ADGRB3: variants seen among roughly 807,000 people sequenced by gnomAD.
The protein encoded by ADGRB3 is brain-specific angiogenesis inhibitor 3.
ADGRB3 carries 37 observed loss-of-function variants against 193.4 expected under a neutral mutation model. That is an observed-to-expected ratio of 0.19 (90% CI 0.15 to 0.25). ADGRB3 has a LOEUF of 0.25. Among genes scored for constraint, ADGRB3 ranks in the 10% least tolerant of loss-of-function variants. The pLI, the probability that ADGRB3 is intolerant of heterozygous loss-of-function variation, is 1.00. For missense variants in ADGRB3, 1,637 were observed against 1,852.9 expected, an observed-to-expected ratio of 0.88 and a Z score of 2.14; for synonymous variants, 690 against 644.2, an observed-to-expected ratio of 1.07 and a Z score of -1.08.
chr6:68,730,362 G>GAA (rs200972353), intron 3 of ADGRB3, among the ~76,000 whole-genome samples: 3,605 of 151,550 alleles, frequency 0.024, 146 homozygotes, highest in African/African-American at 0.079. Flanking sequence ...AATATTCTCA[G>GAA]TGCTATACAG....
At chr6:68,812,504 T>C (rs1042568559) in intron 3 of ADGRB3, among the ~76,000 whole-genome samples, 2 of 152,154 alleles carry the variant, frequency 1.3e-5, no homozygotes, top group Non-Finnish European at 2.9e-5. Context: ...CTCTCTTAGT[T>C]ATGTATCCAT....
intron 20 of ADGRB3, among the ~76,000 whole-genome samples, chr6:69,279,945 A>G (rs1196849420): frequency 6.6e-6 from 1 of 152,074 alleles, no homozygotes; most frequent in Non-Finnish European, 1.5e-5. Flanking sequence ...ATTAGAGAAA[A>G]GCCTCCTACT....
rs375281252 is a variant in ADGRB3, at chr6:68,956,140, A to G, written c.1312A>G (p.Arg438Gly). The G allele has an allele frequency of 1.2e-6, 2 of 1,613,968 alleles. No homozygotes were observed. The highest frequency in any genetic ancestry group is 1.1e-5 in the South Asian group (1 of 91,070). ...TAAAHGGSECRGPWAESRECY... is the reference protein window; with the variant it reads ...TAAAHGGSECGGPWAESRECY... ...AGCTGCCCATGGAGGCTCCGAATGC[A>G]GAGGGCCATGGGCAGAAAGCAGAGA... The change falls in exon 7 of 32, where the codon AGA becomes GGA. Residue 438 changes from arginine to glycine, a missense_variant. Arg to Gly is a moderately radical substitution (Grantham distance 125, BLOSUM62 -2). Coordinates refer to ENST00000370598, the MANE Select transcript of ADGRB3 (RefSeq NM_001704.3).
chr6:68,850,590 G>A (rs1249862799), intron 3 of ADGRB3, among the ~76,000 whole-genome samples: 1 of 151,850 alleles, frequency 6.6e-6, no homozygotes, highest in Non-Finnish European at 1.5e-5. Flanking sequence ...TACTTCTGAT[G>A]TTCAGATTAA....
At chr6:68,990,371 TA>T (rs767478954) in intron 10 of ADGRB3, among the ~76,000 whole-genome samples, 1 of 152,128 alleles carries the variant, frequency 6.6e-6, no homozygotes, top group African/African-American at 2.4e-5. Flanking sequence ...CACCAGTGTG[TA>T]AAAATATTAC....
At chr6:69,113,981 A>G (rs1017081208) in intron 17 of ADGRB3, among the ~76,000 whole-genome samples, 3 of 152,186 alleles carry the variant, frequency 2.0e-5, no homozygotes, top group African/African-American at 7.2e-5. Flanking sequence ...AGGAATTACT[A>G]AGATGTAAGT....
chr6:69,004,289 G>A (rs1769674417), intron 11 of ADGRB3, among the ~76,000 whole-genome samples: 1 of 152,086 alleles, frequency 6.6e-6, no homozygotes, highest in Non-Finnish European at 1.5e-5. Flanking sequence ...TTTCTCATGA[G>A]GCCTCTCTCT....
chr6:69,203,237 T>G (rs996056655), intron 17 of ADGRB3, among the ~76,000 whole-genome samples: 1 of 152,184 alleles, frequency 6.6e-6, no homozygotes, highest in African/African-American at 2.4e-5. Context: ...TACAACGGCA[T>G]TGCCTGGTAC....
rs546317530 is a variant in ADGRB3, at chr6:69,198,633, G to A, written c.2481-34657G>A. On this transcript the variant is annotated intron_variant, in intron 17 of 31. Transcript: ENST00000370598. ...AGGAATAAATTCAGAATGTTCAACA[G>A]AAAGAAAGCAAATAAAGGAACACAA... Among the ~76,000 whole-genome samples the A allele has an allele frequency of 1.1e-3, 174 of 152,092 alleles. 1 individual carries two copies. The highest frequency in any genetic ancestry group is 3.1e-4 in the Non-Finnish European group (21 of 67,956).
At chr6:69,377,513 C>T (rs1218718267) in intron 30 of ADGRB3, among the ~76,000 whole-genome samples, 1 of 151,912 alleles carries the variant, frequency 6.6e-6, no homozygotes, top group African/African-American at 2.4e-5. Flanking sequence ...CTCATGCAAA[C>T]CAGTAAAGAA....
chr6:68,694,634 C>T lies in ADGRB3; in HGVS notation c.757+55202C>T, dbSNP rs554324957. Among the ~76,000 whole-genome samples the T allele has an allele frequency of 7.4e-4, 112 of 152,120 alleles. 1 individual carries two copies. Among genetic ancestry groups the T allele is most frequent in the African/African-American group, 2.5e-3 (105 of 41,530 alleles). On this transcript the variant is annotated intron_variant, in intron 3 of 31. Transcript: ENST00000370598. ...CAGAGGCATGCTGTGTTCCTCTCCT[C>T]CTGATCCCTTAAACTCTGGTGCTCT...
chr6:69,148,199 C>G (rs1325097796), intron 17 of ADGRB3, among the ~76,000 whole-genome samples: 1 of 152,034 alleles, frequency 6.6e-6, no homozygotes, highest in South Asian at 2.1e-4. Flanking sequence ...TTGTGGTCCT[C>G]TCTTCCTTCT....
At chr6:68,636,592 G>C (rs1343874646) in intron 1 of ADGRB3, among the ~76,000 whole-genome samples, 1 of 150,902 alleles carries the variant, frequency 6.6e-6, no homozygotes, top group Non-Finnish European at 1.5e-5. Context: ...TGAGGGTAAT[G>C]ATTTATTTTT....
At chr6:69,300,826 A>G (rs1767935571) in intron 20 of ADGRB3, among the ~76,000 whole-genome samples, 1 of 151,844 alleles carries the variant, frequency 6.6e-6, no homozygotes, top group Admixed American at 6.6e-5. Flanking sequence ...GAGGACACAA[A>G]CATTGAGGAG....
At chr6:68,890,016 A>G (rs1766028724) in intron 3 of ADGRB3, among the ~76,000 whole-genome samples, 1 of 152,240 alleles carries the variant, frequency 6.6e-6, no homozygotes, top group East Asian at 1.9e-4. Flanking sequence ...ATTTCAAAAT[A>G]TTTCAAATGA....
intron 3 of ADGRB3, among the ~76,000 whole-genome samples, chr6:68,759,003 C>T (rs17198341): frequency 0.18 from 27,236 of 152,020 alleles, 3,188 homozygotes; most frequent in Non-Finnish European, 0.27. Context: ...AGCAGGTGTC[C>T]AGAATACGAA....
At position 69,339,101 on chromosome 6, in the gene ADGRB3, C is replaced by G. The variant is rs528363164; in HGVS notation, c.3287+87C>G. The stretch of plus-strand genomic sequence containing the variant: ...CTATGATGAAAAAAAATTGTGTTTT[C>G]TAATACAAGACCAGAGAGTATATTT... On this transcript the variant is annotated intron_variant, in intron 25 of 31. Transcript: ENST00000370598. 1.3e-5 allele frequency: 18 copies of G among 1,405,542 alleles called. No individual in the cohort carries two copies. The East Asian group carries it at 3.9e-4, about 30-fold the overall frequency. 87.1% of individuals were successfully genotyped at this position (1,405,542 alleles called of 1,614,324 possible).
At chr6:69,028,436 C>T (rs1295984144) in intron 13 of ADGRB3, among the ~76,000 whole-genome samples, 1 of 152,142 alleles carries the variant, frequency 6.6e-6, no homozygotes, top group African/African-American at 2.4e-5. Flanking sequence ...ATCTTCATCT[C>T]TACAGCTTTA....
At chr6:68,649,902 C>T (rs1028192757) in intron 3 of ADGRB3, among the ~76,000 whole-genome samples, 3 of 152,256 alleles carry the variant, frequency 2.0e-5, no homozygotes, top group South Asian at 2.1e-4. Flanking sequence ...GGTGACCACG[C>T]GCCTTACTCC....
Sources: gnomAD v4.1 joint callset for allele counts (sites outside exome capture counted in the v4.1 genomes callset) on GRCh38, gnomAD v4.1.1 for gene constraint, MANE v1.5 for transcripts, NCBI Gene and HGNC (gene_info 2026-07-23, HGNC 2026-07-21) for gene names.